Variants in WWOX observed in about 807,000 individuals in gnomAD.
The protein encoded by WWOX is WW domain containing oxidoreductase, also known as WW domain-containing oxidoreductase.
A neutral mutation model predicts 46.2 loss-of-function variants in WWOX; 69 were observed. That is an observed-to-expected ratio of 1.49 (90% CI 1.23 to 1.82). The LOEUF is 1.82. WWOX is among the 40% of genes most tolerant of loss of function. The probability of loss-of-function intolerance (pLI) is 0.00; values close to 1 mark genes in which losing one functional copy is unlikely to be tolerated. For missense variants in WWOX, 919 were observed against 542.6 expected (o/e 1.69, Z -6.89); for synonymous variants, 359 against 202.6 (o/e 1.77, Z -6.56).
intron 8 of WWOX, among the ~76,000 whole-genome samples, chr16:79,022,145 C>G (rs772047454): frequency 2.0e-5 from 3 of 152,168 alleles, no homozygotes; most frequent in Non-Finnish European, 4.4e-5. Context: ...CAGAAAGCAC[C>G]AAGCAATTTG....
intron 6 of WWOX, among the ~76,000 whole-genome samples, chr16:78,399,036 A>G (rs2082353165): frequency 6.9e-6 from 1 of 144,690 alleles, no homozygotes; most frequent in Non-Finnish European, 1.5e-5. Context: ...GGATAGAAAG[A>G]TGGAACAGGT....
intron 8 of WWOX, among the ~76,000 whole-genome samples, chr16:79,120,891 C>G (rs1320597447): frequency 1.3e-5 from 2 of 152,238 alleles, no homozygotes; most frequent in African/African-American, 4.8e-5. Context: ...GCCGCAGCCT[C>G]CTGAGTAGAT....
intron 8 of WWOX, among the ~76,000 whole-genome samples, chr16:78,990,098 C>A (rs552124397): frequency 1.3e-5 from 2 of 150,062 alleles, no homozygotes; most frequent in East Asian, 2.0e-4. Flanking sequence ...GTGGGAGGAT[C>A]TTTAGAGCCC....
intron 8 of WWOX, among the ~76,000 whole-genome samples, chr16:78,949,986 C>T (rs567247813): frequency 1.3e-5 from 2 of 152,316 alleles, no homozygotes; most frequent in South Asian, 4.1e-4. Context: ...ATAATACTCC[C>T]ATTTGACAGA....
chr16:78,893,018 C>T (rs2044624220), intron 8 of WWOX, among the ~76,000 whole-genome samples: 1 of 152,156 alleles, frequency 6.6e-6, no homozygotes, highest in Non-Finnish European at 1.5e-5. Flanking sequence ...CCCAGCTTCT[C>T]TGGTAGCAGA....
chr16:78,503,895 T>C (rs1464832877), intron 8 of WWOX: 1 of 152,230 alleles, frequency 6.6e-6, no homozygotes, highest in Non-Finnish European at 1.5e-5. Context: ...ACATGCAATA[T>C]ATAATATGCA....
chr16:78,459,081 G>T (rs2083891710), intron 8 of WWOX, among the ~76,000 whole-genome samples: 1 of 152,140 alleles, frequency 6.6e-6, no homozygotes, highest in Admixed American at 6.5e-5. Context: ...AGATGACTTT[G>T]GAAGGACTGA....
intron 8 of WWOX, among the ~76,000 whole-genome samples, chr16:78,578,100 A>G (rs2044935961): frequency 1.3e-5 from 2 of 151,440 alleles, no homozygotes; most frequent in African/African-American, 2.4e-5. Flanking sequence ...GTACTTAGAT[A>G]CTGTGTCATC....
chr16:78,329,432 A>G (rs985838776), intron 5 of WWOX, among the ~76,000 whole-genome samples: 9 of 152,164 alleles, frequency 5.9e-5, no homozygotes, highest in African/African-American at 2.2e-4. Context: ...GTATTTGCTG[A>G]CCCTGTCGCC....
chr16:78,445,770 C>G (rs964250937), intron 8 of WWOX, among the ~76,000 whole-genome samples: 5 of 151,598 alleles, frequency 3.3e-5, no homozygotes, highest in East Asian at 1.9e-4. Flanking sequence ...CCCAGCTACT[C>G]TAGAGGCTGA....
At chr16:78,338,790 T>C (rs2080948857) in intron 5 of WWOX, among the ~76,000 whole-genome samples, 1 of 121,664 alleles carries the variant, frequency 8.2e-6, no homozygotes, top group East Asian at 1.9e-4. Flanking sequence ...TTTTATGTTT[T>C]GCTATGCCAT....
chr16:78,663,850 G>A (rs527255558), intron 8 of WWOX, among the ~76,000 whole-genome samples: 2 of 152,136 alleles, frequency 1.3e-5, no homozygotes, highest in African/African-American at 4.8e-5. Context: ...AAAGGCCCTG[G>A]GGTGGAAACA....
intron 8 of WWOX, among the ~76,000 whole-genome samples, chr16:79,208,461 A>T (rs1468636589): frequency 6.6e-6 from 1 of 152,154 alleles, no homozygotes; most frequent in African/African-American, 2.4e-5. Flanking sequence ...ATCACAATGG[A>T]TCAGTAAGCA....
chr16:78,364,803 A>C (rs1228474812), intron 5 of WWOX, among the ~76,000 whole-genome samples: 1 of 152,190 alleles, frequency 6.6e-6, no homozygotes, highest in East Asian at 1.9e-4. Context: ...ATCTGATTAC[A>C]GATCGTGGGA....
chr16:78,099,706 AGC>A lies in WWOX; in HGVS notation c.-71_-70del. 6.8e-7 allele frequency: 1 copy of A among 1,477,674 alleles called. No individual in the cohort carries two copies. Among genetic ancestry groups the A allele is most frequent in the Non-Finnish European group, 9.0e-7 (1 of 1,114,096 alleles). The allele number at this position is 1,477,674 out of a possible 1,614,324, so 91.5% of individuals were successfully genotyped here. On this transcript the variant is annotated 5_prime_UTR_variant, in exon 1 of 9. Transcript: ENST00000566780. ...CCCGACGCGCGCGGGTCTCGTTTGG[AGC>A]GGGAGTGAGTTCCTGAGCGAGTGGA...
chr16:78,471,888 A>G (rs144645629), intron 8 of WWOX, among the ~76,000 whole-genome samples: 5 of 152,120 alleles, frequency 3.3e-5, no homozygotes, highest in African/African-American at 4.8e-5. Flanking sequence ...TTTTTTTTCT[A>G]TTCACCAAAA....
intron 4 of WWOX, chr16:78,123,456 T>TTTTTTTTTTTTTG (rs2033215930): frequency 6.9e-5 from 1 of 14,438 alleles, no homozygotes; most frequent in African/African-American, 2.3e-4. Context: ...TTTTTTTTTG[T>TTTTTTTTTTTTTG]TTTTTTTTTT....
chr16:79,072,288 A>G (rs536657665), intron 8 of WWOX, among the ~76,000 whole-genome samples: 1 of 151,876 alleles, frequency 6.6e-6, no homozygotes, highest in Non-Finnish European at 1.5e-5. Flanking sequence ...TGTCCCCCCA[A>G]CCCCCCAAAA....
At chr16:78,728,925 G>C (rs1110560) in intron 8 of WWOX, among the ~76,000 whole-genome samples, 1 of 151,984 alleles carries the variant, frequency 6.6e-6, no homozygotes, top group Non-Finnish European at 1.5e-5. Context: ...TCATTCCAAC[G>C]GTGTGGAGAG....
Sources: allele counts gnomAD v4.1 joint callset (sites outside exome capture counted in the v4.1 genomes callset), GRCh38; gene constraint gnomAD v4.1.1; transcripts MANE v1.5; gene names NCBI Gene and HGNC (gene_info 2026-07-23, HGNC 2026-07-21).